TRIQK: variants seen among roughly 807,000 people sequenced by gnomAD.
TRIQK encodes the protein triple QxxK/R motif containing, also known as triple QxxK/R motif-containing protein.
In TRIQK, 10 loss-of-function variants were observed where a neutral mutation model predicts 10.8. The observed-to-expected ratio is 0.92, with a 90% CI of 0.57 to 1.57. The LOEUF (loss-of-function observed/expected upper bound fraction) is 1.57, where lower values mean the gene tolerates loss of function less well. Ranked by LOEUF, TRIQK falls within the 40% of genes most tolerant of loss-of-function variation. TRIQK has a pLI of 0.00. For synonymous variants in TRIQK, 33 were observed against 33.7 expected (o/e 0.98, Z 0.07); for missense variants, 107 against 97.7 (o/e 1.09, Z -0.40).
intron 3 of TRIQK, among the ~76,000 whole-genome samples, chr8:92,893,697 G>T (rs1239236900): frequency 6.6e-6 from 1 of 151,978 alleles, no homozygotes; most frequent in Non-Finnish European, 1.5e-5. Flanking sequence ...TCAGAACAAT[G>T]AAAATGGTGA....
chr8:92,940,335 A>T (rs1334985464), intron 2 of TRIQK, among the ~76,000 whole-genome samples: 22 of 11,386 alleles, frequency 1.9e-3, no homozygotes, highest in Non-Finnish European at 6.7e-3. Context: ...TAGATTTAAT[A>T]AAAAAAAAAA....
Position 92,918,846 on chromosome 8 carries a change from T to C in TRIQK, c.-21-1836A>G, listed in dbSNP as rs143015233. On this transcript the variant is annotated intron_variant, in intron 2 of 4. Transcript: ENST00000521988. Reference sequence around the variant, plus strand: ...CCAATGTTTTTTTCCAGTCATTTCATAGTTTTATGTCTTACATTTAAGTCT... The same window carrying C: ...CCAATGTTTTTTTCCAGTCATTTCACAGTTTTATGTCTTACATTTAAGTCT... 5.9e-5 allele frequency among the ~76,000 whole-genome samples: 9 copies of C among 151,854 alleles called. No individual in the cohort carries two copies. The South Asian group carries it at 8.3e-4, about 14-fold the overall frequency.
At chr8:92,968,748 G>A (rs1285831628), upstream of TRIQK, among the ~76,000 whole-genome samples, 1 of 152,054 alleles carries the variant, frequency 6.6e-6, no homozygotes, top group Non-Finnish European at 1.5e-5. Context: ...CCATTCTGTA[G>A]GTTGCCTGTT....
At chr8:93,006,189 C>G (rs1813269369) in intron 1 of TRIQK, among the ~76,000 whole-genome samples, 2 of 152,180 alleles carry the variant, frequency 1.3e-5, no homozygotes, top group Admixed American at 6.5e-5. Flanking sequence ...CGACTAGAAA[C>G]AGCTGTGGTC....
At chr8:92,924,692 C>G (rs1314026592) in intron 2 of TRIQK, among the ~76,000 whole-genome samples, 1 of 151,570 alleles carries the variant, frequency 6.6e-6, no homozygotes, top group Non-Finnish European at 1.5e-5. Flanking sequence ...AAGGTATACA[C>G]AATTATAATA....
chr8:92,990,688 G>A (rs1343384499), intron 1 of TRIQK, among the ~76,000 whole-genome samples: 1 of 152,154 alleles, frequency 6.6e-6, no homozygotes, highest in Non-Finnish European at 1.5e-5. Context: ...AAAGCCTTGA[G>A]GGACTGTGCC....
At chr8:93,011,203 C>CATAT (rs201058784) in intron 1 of TRIQK, among the ~76,000 whole-genome samples, 1,204 of 92,288 alleles carry the variant, frequency 0.013, 10 homozygotes, top group African/African-American at 0.035. Flanking sequence ...CACACACACA[C>CATAT]ACATATATAT....
intron 2 of TRIQK, among the ~76,000 whole-genome samples, chr8:92,929,267 T>A (rs1022454094): frequency 6.6e-6 from 1 of 152,150 alleles, no homozygotes. Context: ...AGACAGATGG[T>A]AATGTCATTA....
rs1437173998 is a variant in TRIQK, at chr8:92,886,679, G to C, written c.204C>G (p.Phe68Leu). 3 of 1,531,424 alleles carry C rather than the reference G, an allele frequency of 2.0e-6. No individual in the cohort carries two copies. In the South Asian group the frequency reaches 3.6e-5, roughly 18 times the overall value. 94.9% of individuals were successfully genotyped at this position (1,531,424 alleles called of 1,614,324 possible). The change falls in exon 5 of 5, where the codon TTC becomes TTG. Residue 68 changes from phenylalanine (F) to leucine (L), a missense_variant. Phe to Leu is a conservative substitution (Grantham distance 22). Coordinates refer to ENST00000521988, the MANE Select transcript of TRIQK (RefSeq NM_001171797.2). ...CATCCGTGGTGAGTCTGAGATAAAA[G>C]AAAGCATAGAAAGCCAGTAGTAGTG... is the stretch of plus-strand genomic sequence containing the variant. Reference protein sequence around the residue: ...ILALLLAFYAFFYLRLTTDVD... With the variant: ...ILALLLAFYALFYLRLTTDVD...
At chr8:92,954,163 T>A (rs1812054874) in intron 2 of TRIQK, 1 of 151,878 alleles carries the variant, frequency 6.6e-6, no homozygotes, top group Non-Finnish European at 1.5e-5. Flanking sequence ...AACAAATAAA[T>A]CAGTTATAAA....
In TRIQK at chr8:92,917,004, A is replaced by T; in HGVS notation, c.-15T>A. 6.7e-7 allele frequency: 1 copy of T among 1,490,248 alleles called. No individual in the cohort carries two copies. The highest frequency in any genetic ancestry group is 1.4e-5 in the African/African-American group (1 of 70,626). The allele number at this position is 1,490,248 out of a possible 1,614,324, so 92.3% of individuals were successfully genotyped here. A position where few individuals can be genotyped will look rare whatever the true frequency, so the allele number is the denominator to read the frequency against. On this transcript the variant is annotated 5_prime_UTR_variant, in exon 3 of 5. Coordinates refer to ENST00000521988, the MANE Select transcript of TRIQK (RefSeq NM_001171797.2). ...TTTCTACCCATCTTTGATCTCCAAA[A>T]TGCCTGCTGAAAAGAAAACAATTAT...
intron 2 of TRIQK, among the ~76,000 whole-genome samples, chr8:92,920,447 C>T (rs1049838751): frequency 2.0e-5 from 3 of 150,962 alleles, no homozygotes; most frequent in African/African-American, 7.3e-5. Context: ...GTTGGAAAAG[C>T]CAACTTCTTC....
At chr8:92,957,168 G>C (rs1375093177) in intron 1 of TRIQK, among the ~76,000 whole-genome samples, 2 of 151,692 alleles carry the variant, frequency 1.3e-5, no homozygotes, top group African/African-American at 4.8e-5. Context: ...CCACTCACCA[G>C]AACTACAGAC....
At chr8:92,888,173 T>C (rs1319050077) in intron 4 of TRIQK, among the ~76,000 whole-genome samples, 1 of 151,636 alleles carries the variant, frequency 6.6e-6, no homozygotes, top group Non-Finnish European at 1.5e-5. Context: ...CTGTTCTGTA[T>C]AGTGGACAAC....
chr8:92,977,427 G>A (rs751166441), intron 1 of TRIQK, among the ~76,000 whole-genome samples: 11 of 151,298 alleles, frequency 7.3e-5, no homozygotes, highest in East Asian at 1.9e-4. Flanking sequence ...ATTCAAGTTC[G>A]CTCATATTTT....
chr8:92,991,463 C>T (rs576320651), intron 1 of TRIQK, among the ~76,000 whole-genome samples: 1 of 152,160 alleles, frequency 6.6e-6, no homozygotes, highest in Non-Finnish European at 1.5e-5. Flanking sequence ...GACTGGGAGA[C>T]ACCTTCCAGC....
At chr8:92,975,494 C>T (rs1474269009) in intron 1 of TRIQK, among the ~76,000 whole-genome samples, 1 of 152,046 alleles carries the variant, frequency 6.6e-6, no homozygotes. Flanking sequence ...CATAATATTG[C>T]TTATATTCAT....
At chr8:93,007,665 C>G (rs1813288043) in intron 1 of TRIQK, among the ~76,000 whole-genome samples, 1 of 152,118 alleles carries the variant, frequency 6.6e-6, no homozygotes, top group Non-Finnish European at 1.5e-5. Context: ...CCAGAATAAC[C>G]AGTTTAAGAA....
chr8:92,949,772 GAAAGAAAGAA>G (rs1434836085), intron 2 of TRIQK, among the ~76,000 whole-genome samples: 16 of 89,580 alleles, frequency 1.8e-4, no homozygotes, highest in South Asian at 4.2e-4. Flanking sequence ...GAAAGAGAAG[GAAAGAAAGAA>G]AAAGAAAGAA....
Sources: gnomAD v4.1 joint callset for allele counts (sites outside exome capture counted in the v4.1 genomes callset) on GRCh38, gnomAD v4.1.1 for gene constraint, MANE v1.5 for transcripts, NCBI Gene and HGNC (gene_info 2026-07-23, HGNC 2026-07-21) for gene names.